ZNF589: variants seen among roughly 807,000 people sequenced by gnomAD.
The protein encoded by ZNF589 is KRAB-zinc finger protein SZF1-1.
In ZNF589, 17 loss-of-function variants were observed where a neutral mutation model predicts 13.6. The observed-to-expected ratio is 1.25, with a 90% CI of 0.86 to 1.88. ZNF589 has a LOEUF of 1.88. Among genes scored for constraint, ZNF589 ranks in the 40% most tolerant of loss-of-function variants. The pLI is 0.00. For missense variants in ZNF589, 407 were observed against 434.0 expected (o/e 0.94, Z 0.55); for synonymous variants, 148 against 161.6 (o/e 0.92, Z 0.64).
At chr3:48,266,548 G>A (rs900460628) in intron 3 of ZNF589, among the ~76,000 whole-genome samples, 6 of 152,160 alleles carry the variant, frequency 3.9e-5, no homozygotes, top group East Asian at 1.9e-4. Flanking sequence ...AAATAGGGCC[G>A]GGCGCCGTGG....
chr3:48,258,236 A>G (rs1342861155), intron 2 of ZNF589, among the ~76,000 whole-genome samples: 1 of 151,906 alleles, frequency 6.6e-6, no homozygotes, highest in Non-Finnish European at 1.5e-5. Flanking sequence ...TACAGATGTT[A>G]TAGTTGTTTT....
chr3:48,253,014 A>G (rs1033012018), intron 2 of ZNF589, among the ~76,000 whole-genome samples: 8 of 151,780 alleles, frequency 5.3e-5, no homozygotes, highest in Admixed American at 4.6e-4. Context: ...GTAGATCTTT[A>G]TCTTAATAAT....
chr3:48,250,341 C>T (rs111296465), intron 2 of ZNF589, among the ~76,000 whole-genome samples: 1 of 141,758 alleles, frequency 7.1e-6, no homozygotes, highest in Non-Finnish European at 1.5e-5. Context: ...TAAATAGAGA[C>T]GGGTCTCACT....
intron 3 of ZNF589, among the ~76,000 whole-genome samples, chr3:48,263,690 C>A (rs767589024): frequency 2.0e-5 from 3 of 152,082 alleles, no homozygotes; most frequent in Non-Finnish European, 4.4e-5. Context: ...ACCCCGGAGG[C>A]GGAGGTTGCA....
intron 1 of ZNF589, among the ~76,000 whole-genome samples, chr3:48,245,063 C>T (rs377416017): frequency 6.6e-6 from 1 of 152,004 alleles, no homozygotes; most frequent in Non-Finnish European, 1.5e-5. Flanking sequence ...CTTGGCCTCC[C>T]GAAGTGCTGG....
chr3:48,256,587 AC>A (rs1392577711), intron 2 of ZNF589: 9 of 726,764 alleles, frequency 1.2e-5, no homozygotes, highest in Non-Finnish European at 2.3e-5. Flanking sequence ...ATCTTCACAC[AC>A]CCCTCAATCT....
Position 48,270,179 on chromosome 3 carries a change from T to G in ZNF589, c.*1393T>G. ...TTGCTGTTTCCTCTCCTACCCCACC[T>G]TTAGATTTTACTCAGAGTTCAGTCT... On this transcript the variant is annotated 3_prime_UTR_variant, in exon 4 of 4. Transcript: ENST00000354698. 1 of 457,196 alleles carries G rather than the reference T, an allele frequency of 2.2e-6. No individual in the cohort carries two copies. Among genetic ancestry groups the G allele is most frequent in the Non-Finnish European group, 4.4e-6 (1 of 227,072 alleles). The allele number at this position is 457,196 out of a possible 1,614,324, so 28.3% of individuals were successfully genotyped here. A position where few individuals can be genotyped will look rare whatever the true frequency, so the allele number is the denominator to read the frequency against.
intron 2 of ZNF589, among the ~76,000 whole-genome samples, chr3:48,257,375 T>G (rs1575294051): frequency 1.3e-5 from 2 of 152,162 alleles, no homozygotes; most frequent in African/African-American, 2.4e-5. Context: ...TTCTCCTGCC[T>G]CAGCCTCCCG....
At chr3:48,248,576 A>C (rs1024492996) in intron 2 of ZNF589, among the ~76,000 whole-genome samples, 2 of 152,182 alleles carry the variant, frequency 1.3e-5, no homozygotes, top group Non-Finnish European at 2.9e-5. Flanking sequence ...CTATACCAGA[A>C]ATTTAATTTA....
chr3:48,264,316 T>A (rs547342261), intron 3 of ZNF589, among the ~76,000 whole-genome samples: 44 of 150,920 alleles, frequency 2.9e-4, no homozygotes, highest in African/African-American at 1.0e-3. Context: ...AGGCAGATCA[T>A]GAGGTCAGGA....
intron 2 of ZNF589, 51 bp from the exon 3 acceptor site, chr3:48,260,762 C>T (rs1442113772): frequency 1.2e-6 from 2 of 1,611,420 alleles, no homozygotes; most frequent in Non-Finnish European, 1.7e-6. Flanking sequence ...TCCATTTTCA[C>T]TGTGAATCTT....
At chr3:48,267,473 T>G (rs1037654658) in intron 3 of ZNF589, among the ~76,000 whole-genome samples, 1 of 152,058 alleles carries the variant, frequency 6.6e-6, no homozygotes, top group Non-Finnish European at 1.5e-5. Flanking sequence ...CTTGGCTCAC[T>G]GCAACCTCTG....
At chr3:48,254,210 C>G (rs71323391) in intron 2 of ZNF589, among the ~76,000 whole-genome samples, 4 of 151,776 alleles carry the variant, frequency 2.6e-5, no homozygotes, top group African/African-American at 7.3e-5. Context: ...GAGCTGAGAT[C>G]GTGCCATTGC....
chr3:48,260,986 G>A (rs997024156), intron 3 of ZNF589, 47 bp downstream of exon 3: 1 of 1,602,200 alleles, frequency 6.2e-7, no homozygotes, highest in African/African-American at 1.3e-5. Context: ...AGTATTTACT[G>A]ACCATATTCA....
At chr3:48,258,190 AT>A (rs543331975) in intron 2 of ZNF589, among the ~76,000 whole-genome samples, 2 of 150,882 alleles carry the variant, frequency 1.3e-5, no homozygotes, top group Admixed American at 1.3e-4. Flanking sequence ...TAGATCTTTG[AT>A]TTTTTTTTCC....
intron 1 of ZNF589, among the ~76,000 whole-genome samples, chr3:48,244,231 A>C (rs998931028): frequency 5.3e-5 from 8 of 152,110 alleles, no homozygotes; most frequent in Non-Finnish European, 1.2e-4. Flanking sequence ...TGCTGAAAAG[A>C]CTGAGGAGCT....
intron 2 of ZNF589, among the ~76,000 whole-genome samples, chr3:48,258,503 G>C (rs942156312): frequency 6.6e-6 from 1 of 152,122 alleles, no homozygotes; most frequent in African/African-American, 2.4e-5. Context: ...CAGTCTCTGT[G>C]CTTTTTACTT....
intron 3 of ZNF589, among the ~76,000 whole-genome samples, chr3:48,267,546 G>A (rs542315079): frequency 6.6e-5 from 10 of 151,976 alleles, no homozygotes; most frequent in Non-Finnish European, 1.0e-4. Context: ...ACAGGCGCCC[G>A]TCACTCCACC....
chr3:48,261,665 A>AT (rs1386017259), intron 3 of ZNF589, among the ~76,000 whole-genome samples: 2 of 152,204 alleles, frequency 1.3e-5, no homozygotes, highest in African/African-American at 2.4e-5. Context: ...TGAGAGTCAG[A>AT]TTTTCAAAGT....
Sources: allele counts gnomAD v4.1 joint callset (sites outside exome capture counted in the v4.1 genomes callset), GRCh38; gene constraint gnomAD v4.1.1; transcripts MANE v1.5; gene names NCBI Gene and HGNC (gene_info 2026-07-23, HGNC 2026-07-21).